OSBPL10: variants seen among roughly 807,000 people sequenced by gnomAD.
OSBPL10 encodes the protein oxysterol-binding protein-related protein 10.
Under a neutral mutation model 81.7 loss-of-function variants are expected in OSBPL10, and 49 were observed. The ratio of observed to expected loss-of-function variants is 0.60; its 90% CI spans 0.48 to 0.76. The LOEUF (loss-of-function observed/expected upper bound fraction) is 0.76. Among genes scored for constraint, OSBPL10 ranks in the 30% least tolerant of loss-of-function variants. The pLI is 0.00. For missense variants in OSBPL10, 923 were observed against 987.8 expected (o/e 0.93, Z 0.88); for synonymous variants, 419 against 383.6 (o/e 1.09, Z -1.08).
chr3:31,938,152 T>C (rs1452601300), intron 1 of OSBPL10, among the ~76,000 whole-genome samples: 3 of 152,128 alleles, frequency 2.0e-5, no homozygotes, highest in Non-Finnish European at 4.4e-5. Flanking sequence ...ACACCAACTC[T>C]TCCATCTCTT....
intron 5 of OSBPL10, among the ~76,000 whole-genome samples, chr3:31,734,538 G>A (rs1697089591): frequency 1.3e-5 from 2 of 152,078 alleles, no homozygotes; most frequent in African/African-American, 4.8e-5. Context: ...AGGAGTTGGA[G>A]ATCAACCCAA....
intron 4 of OSBPL10, among the ~76,000 whole-genome samples, chr3:31,812,712 CA>C (rs563030191): frequency 5.0e-4 from 17 of 34,216 alleles, no homozygotes; most frequent in Admixed American, 2.5e-3. Flanking sequence ...ACACAGTAGG[CA>C]AAAAAAAAGA....
At chr3:31,961,608 T>C (rs576568627) in intron 1 of OSBPL10, among the ~76,000 whole-genome samples, 1 of 152,240 alleles carries the variant, frequency 6.6e-6, no homozygotes, top group East Asian at 1.9e-4. Context: ...ATTTTATTTA[T>C]TTATTTTTTA....
At chr3:31,687,287 G>C (rs1246403912) in intron 7 of OSBPL10, among the ~76,000 whole-genome samples, 1 of 151,968 alleles carries the variant, frequency 6.6e-6, no homozygotes, top group Non-Finnish European at 1.5e-5. Context: ...ATGGCAATGG[G>C]GCTTCTGTGG....
intron 6 of OSBPL10, among the ~76,000 whole-genome samples, chr3:31,725,489 C>T (rs1696780531): frequency 6.6e-6 from 1 of 152,136 alleles, no homozygotes; most frequent in African/African-American, 2.4e-5. Context: ...GGAATGTCTT[C>T]AGCAGCTCTT....
At chr3:31,841,259 GA>G (rs1208613898) in intron 3 of OSBPL10, among the ~76,000 whole-genome samples, 1 of 152,210 alleles carries the variant, frequency 6.6e-6, no homozygotes, top group Non-Finnish European at 1.5e-5. Flanking sequence ...GGACTTTTAA[GA>G]ATCCTGAATC....
At chr3:32,077,680 A>T (rs77211363), upstream of OSBPL10, 2 of 152,192 alleles carry the variant, frequency 1.3e-5, no homozygotes, top group Admixed American at 1.3e-4. Flanking sequence ...GGCAGCCCAC[A>T]CTAACGGAAG....
chr3:31,965,887 ACATATAT>A (rs1316091134), intron 1 of OSBPL10, among the ~76,000 whole-genome samples: 68 of 91,788 alleles, frequency 7.4e-4, no homozygotes, highest in Non-Finnish European at 8.4e-4. Context: ...AAAATAGATA[ACATATAT>A]TATATATTAT....
intron 1 of OSBPL10, among the ~76,000 whole-genome samples, chr3:31,926,046 ATATC>A (rs1697064070): frequency 6.6e-6 from 1 of 152,016 alleles, no homozygotes. Flanking sequence ...TCTTATCTTT[ATATC>A]TATTATAGGC....
At chr3:31,728,041 A>C (rs940740098) in intron 6 of OSBPL10, among the ~76,000 whole-genome samples, 18 of 152,212 alleles carry the variant, frequency 1.2e-4, no homozygotes, top group African/African-American at 4.3e-4. Flanking sequence ...CCTTATTCTT[A>C]AAACAATTTT....
intron 4 of OSBPL10, among the ~76,000 whole-genome samples, chr3:31,771,087 C>T (rs1312808510): frequency 1.3e-5 from 2 of 152,144 alleles, no homozygotes; most frequent in Non-Finnish European, 1.5e-5. Context: ...TGAATCAGTC[C>T]ATATACGTGA....
chr3:31,889,378 G>T (rs991216484), intron 1 of OSBPL10, among the ~76,000 whole-genome samples: 8 of 152,166 alleles, frequency 5.3e-5, no homozygotes, highest in Non-Finnish European at 1.2e-4. Context: ...ATTCACAATA[G>T]CCAAGATGTG....
At chr3:31,764,946 C>T (rs967492907) in intron 4 of OSBPL10, among the ~76,000 whole-genome samples, 1 of 152,174 alleles carries the variant, frequency 6.6e-6, no homozygotes, top group Non-Finnish European at 1.5e-5. Context: ...GATAGCCTTC[C>T]ATCATCCTCC....
At chr3:31,997,070 C>A (rs956615856) in intron 2 of OSBPL10, among the ~76,000 whole-genome samples, 5 of 152,128 alleles carry the variant, frequency 3.3e-5, no homozygotes, top group Admixed American at 1.3e-4. Flanking sequence ...TGCTTTCTGA[C>A]AAGACACATT....
intron 7 of OSBPL10, among the ~76,000 whole-genome samples, chr3:31,701,511 C>T (rs1559423068): frequency 1.3e-5 from 2 of 152,140 alleles, no homozygotes; most frequent in African/African-American, 4.8e-5. Flanking sequence ...GTCCTCCGCA[C>T]GCCTCATGCG....
chr3:31,964,110 T>C (rs1698245941), intron 1 of OSBPL10, among the ~76,000 whole-genome samples: 1 of 152,220 alleles, frequency 6.6e-6, no homozygotes. Context: ...TCCTTCAATA[T>C]AGCTGTCAGA....
At chr3:31,921,517 A>C (rs1696914541) in intron 1 of OSBPL10, among the ~76,000 whole-genome samples, 1 of 152,338 alleles carries the variant, frequency 6.6e-6, no homozygotes, top group Admixed American at 6.5e-5. Context: ...TGGCCAACAA[A>C]AATGGAAACA....
At chr3:31,697,088 C>G (rs781584567) in intron 7 of OSBPL10, among the ~76,000 whole-genome samples, 41 of 151,770 alleles carry the variant, frequency 2.7e-4, no homozygotes, top group South Asian at 8.3e-4. Flanking sequence ...CTGTGACTTA[C>G]TTTAATCAAT....
At chr3:31,851,577 C>G (rs564032406) in intron 3 of OSBPL10, among the ~76,000 whole-genome samples, 1 of 152,218 alleles carries the variant, frequency 6.6e-6, no homozygotes, top group African/African-American at 2.4e-5. Context: ...ACGACTCACA[C>G]GAGCTGTCAA....
Sources: gnomAD v4.1 joint callset for allele counts (sites outside exome capture counted in the v4.1 genomes callset) on GRCh38, gnomAD v4.1.1 for gene constraint, MANE v1.5 for transcripts, NCBI Gene and HGNC (gene_info 2026-07-23, HGNC 2026-07-21) for gene names.